The following NHSL2 variants were observed in gnomAD, a reference collection of about 807,000 sequenced individuals.
The protein encoded by NHSL2 is NHS-like protein 2.
A neutral mutation model predicts 53.4 loss-of-function variants in NHSL2; 27 were observed. That is an observed-to-expected ratio of 0.51 (90% CI 0.37 to 0.70). The LOEUF is 0.70. NHSL2 is among the 30% of genes least tolerant of loss of function. The probability of loss-of-function intolerance (pLI) is 0.00; values close to 1 mark genes in which losing one functional copy is unlikely to be tolerated. For missense variants in NHSL2, 892 were observed against 980.1 expected (o/e 0.91, Z 1.20); for synonymous variants, 408 against 404.1 (o/e 1.01, Z -0.12).
chrX:72,133,991 C>A, intron 2 of NHSL2, 100 bp from the exon 3 acceptor site: 6 of 880,533 alleles, frequency 6.8e-6, no homozygotes, highest in East Asian at 3.5e-5. Context: ...GCAAGTCAGG[C>A]CTGGCAGCTA....
intron 1 of NHSL2, among the ~76,000 whole-genome samples, chrX:71,969,069 C>T (rs2041913359): frequency 9.0e-6 from 1 of 111,501 alleles, no homozygotes; most frequent in Admixed American, 9.6e-5. Context: ...AAAAAGATAG[C>T]TGGGATTTTC....
At chrX:72,120,543 C>T in intron 1 of NHSL2, among the ~76,000 whole-genome samples, 1 of 111,954 alleles carries the variant, frequency 8.9e-6, no homozygotes, top group East Asian at 2.8e-4. Flanking sequence ...ATAATGTCCC[C>T]TCATTTACTT....
intron 1 of NHSL2, among the ~76,000 whole-genome samples, chrX:72,073,462 A>G (rs6653323): frequency 0.21 from 23,099 of 111,469 alleles, 3,233 homozygotes; most frequent in African/African-American, 0.5. Flanking sequence ...AGGGGGATGC[A>G]TGCTAGCGCC....
At chrX:71,963,976 T>TATATATGTGTATATATATATAC (rs2041882194) in intron 1 of NHSL2, among the ~76,000 whole-genome samples, 1 of 5,085 alleles carries the variant, frequency 2.0e-4, no homozygotes, top group African/African-American at 3.0e-4. Context: ...TATATATACA[T>TATATATGTGTATATATATATAC]ATATATATAT....
At chrX:72,025,091 C>A (rs2042178664) in intron 1 of NHSL2, among the ~76,000 whole-genome samples, 1 of 111,742 alleles carries the variant, frequency 8.9e-6, no homozygotes, top group African/African-American at 3.3e-5. Flanking sequence ...CATAATGATA[C>A]CTATTTGAGG....
intron 1 of NHSL2, among the ~76,000 whole-genome samples, chrX:72,069,446 T>C (rs755976476): frequency 9.1e-6 from 1 of 109,787 alleles, no homozygotes; most frequent in East Asian, 2.9e-4. Flanking sequence ...TGAGAGAGAC[T>C]GAGAGAAGCT....
intron 1 of NHSL2, among the ~76,000 whole-genome samples, chrX:71,934,046 C>T (rs1013776460): frequency 9.0e-6 from 1 of 110,740 alleles, no homozygotes; most frequent in African/African-American, 3.3e-5. Context: ...CCTTTCCTTC[C>T]TCTTTCCCTA....
chrX:71,960,488 G>C (rs1347117691), intron 1 of NHSL2, among the ~76,000 whole-genome samples: 1 of 112,038 alleles, frequency 8.9e-6, no homozygotes, highest in Non-Finnish European at 1.9e-5. Flanking sequence ...CATGATGATT[G>C]ACTCCTATAT....
At chrX:72,035,262 G>A (rs2042235070) in intron 1 of NHSL2, among the ~76,000 whole-genome samples, 1 of 111,485 alleles carries the variant, frequency 9.0e-6, no homozygotes, top group Non-Finnish European at 1.9e-5. Flanking sequence ...CAAGAGAACA[G>A]ACTCAGTGTG....
In NHSL2 at chrX:71,990,425, G is replaced by A. The variant is rs562048437; in HGVS notation, c.280+79058G>A. On this transcript the variant is annotated intron_variant, in intron 1 of 7. Coordinates refer to ENST00000633930, the MANE Select transcript of NHSL2 (RefSeq NM_001013627.3). Reference sequence around the variant, plus strand: ...CATGTCCTCTGGGTTCTCCCTCTCTGTTGGCGATCCAGCCATCCAGCCCAC... The same window carrying A: ...CATGTCCTCTGGGTTCTCCCTCTCTATTGGCGATCCAGCCATCCAGCCCAC... Among the ~76,000 whole-genome samples, 3 of 111,008 alleles carry A rather than the reference G, an allele frequency of 2.7e-5. No homozygotes were observed. In the South Asian group the frequency reaches 1.2e-3, roughly 43 times the overall value.
At chrX:72,060,937 C>A (rs1482832697) in intron 1 of NHSL2, among the ~76,000 whole-genome samples, 1 of 113,058 alleles carries the variant, frequency 8.8e-6, no homozygotes, top group Admixed American at 9.3e-5. Flanking sequence ...AGGGATTTGG[C>A]AAGTCACTTC....
rs774068798 is a variant in NHSL2 at position 72,142,753 on chromosome X, CA to C, written c.3356+396del. Among the ~76,000 whole-genome samples the C allele has an allele frequency of 2.5e-3, 277 of 111,489 alleles. 1 individual carries two copies. Among genetic ancestry groups the C allele is most frequent in the Non-Finnish European group, 4.6e-3 (245 of 53,045 alleles). The stretch of plus-strand genomic sequence containing the variant: ...TAACCCTTCACAGAATTCCTTGTAT[CA>C]AAAAAATCCCATCAAGAGTTGAAGT... On this transcript the variant is annotated intron_variant, in intron 7 of 7. Coordinates refer to ENST00000633930, the MANE Select transcript of NHSL2 (RefSeq NM_001013627.3).
At chrX:72,138,117 G>C (rs1266178730) in intron 5 of NHSL2, among the ~76,000 whole-genome samples, 2 of 111,834 alleles carry the variant, frequency 1.8e-5, no homozygotes, top group Middle Eastern at 4.7e-3. Context: ...GCTGAGGTCT[G>C]TGATGGTTTC....
chrX:72,056,921 C>T (rs2042373117), intron 1 of NHSL2, among the ~76,000 whole-genome samples: 1 of 112,575 alleles, frequency 8.9e-6, no homozygotes, highest in South Asian at 3.6e-4. Context: ...GATATCATCT[C>T]TTACTTCCCA....
At position 72,144,437 on chromosome X, in the gene NHSL2, T is replaced by C; in HGVS notation, c.*863T>C. On this transcript the variant is annotated 3_prime_UTR_variant, in exon 8 of 8. Transcript: ENST00000633930. ...ATAGGCAGGATCTGCGCCCAGCTCA[T>C]GCTGCATTCTAAGAACTCTCATTTC... The C allele has an allele frequency of 1.3e-6, 1 of 792,994 alleles. No individual in the cohort carries two copies. The highest frequency in any genetic ancestry group is 1.8e-6 in the Non-Finnish European group (1 of 565,468). The allele number at this position is 792,994 out of a possible 1,213,427, so 65.4% of individuals were successfully genotyped here.
At chrX:72,021,800 A>T (rs1419766714) in intron 1 of NHSL2, among the ~76,000 whole-genome samples, 1 of 111,105 alleles carries the variant, frequency 9.0e-6, no homozygotes, top group Middle Eastern at 4.6e-3. Flanking sequence ...CTTCAGAGAA[A>T]CCCTCTTGCC....
intron 1 of NHSL2, among the ~76,000 whole-genome samples, chrX:72,061,479 T>A (rs1413272696): frequency 9.0e-6 from 1 of 111,703 alleles, no homozygotes; most frequent in Non-Finnish European, 1.9e-5. Flanking sequence ...TTTAAATATA[T>A]CTTATGCTTG....
chrX:72,066,001 T>C (rs1046833644), intron 1 of NHSL2, among the ~76,000 whole-genome samples: 13 of 112,016 alleles, frequency 1.2e-4, no homozygotes, highest in African/African-American at 3.6e-4. Context: ...CAACAAATCA[T>C]TGGAAGGTTC....
At chrX:71,981,287 G>A (rs980717576) in intron 1 of NHSL2, among the ~76,000 whole-genome samples, 10 of 112,507 alleles carry the variant, frequency 8.9e-5, no homozygotes, top group African/African-American at 3.2e-4. Context: ...AGTGGCTCAC[G>A]CCAGTAATCC....
Sources: gnomAD v4.1 joint callset for allele counts (sites outside exome capture counted in the v4.1 genomes callset) on GRCh38, gnomAD v4.1.1 for gene constraint, MANE v1.5 for transcripts, NCBI Gene and HGNC (gene_info 2026-07-23, HGNC 2026-07-21) for gene names.